The following ATP13A4 variants were observed in gnomAD, a reference collection of about 807,000 sequenced individuals.
ATP13A4 encodes the protein ATPase 13A4.
In ATP13A4, 114 loss-of-function variants were observed where a neutral mutation model predicts 142.5. That is an observed-to-expected ratio of 0.80 (90% CI 0.69 to 0.93). ATP13A4 has a LOEUF of 0.93. ATP13A4 is among the 40% of genes least tolerant of loss of function. ATP13A4 has a pLI of 0.00. For missense variants in ATP13A4, 1,392 were observed against 1,454.0 expected (o/e 0.96, Z 0.69); for synonymous variants, 488 against 514.8 (o/e 0.95, Z 0.70).
chr3:193,562,337 G>C (rs544592473), intron 2 of ATP13A4, among the ~76,000 whole-genome samples: 3 of 152,178 alleles, frequency 2.0e-5, no homozygotes, highest in Non-Finnish European at 4.4e-5. Flanking sequence ...AGATGTCCAC[G>C]ATACATTAAC....
At chr3:193,554,451 A>G in intron 1 of ATP13A4, 1 of 484,992 alleles carries the variant, frequency 2.1e-6, no homozygotes, top group Non-Finnish European at 3.8e-6. Context: ...AACAAGAATC[A>G]TAAAGTGCAT....
At chr3:193,586,137 C>T (rs1482434361) in intron 1 of ATP13A4, among the ~76,000 whole-genome samples, 1 of 151,670 alleles carries the variant, frequency 6.6e-6, no homozygotes, top group Non-Finnish European at 1.5e-5. Flanking sequence ...ACACGCATAT[C>T]GTCCTTTGTG....
chr3:193,497,214 A>G (rs927617124), intron 3 of ATP13A4, among the ~76,000 whole-genome samples: 2 of 152,170 alleles, frequency 1.3e-5, no homozygotes, highest in Non-Finnish European at 2.9e-5. Context: ...AACTCAAAAA[A>G]CTCAAGAGCA....
chr3:193,450,807 G>A (rs1383073322), intron 17 of ATP13A4, among the ~76,000 whole-genome samples: 1 of 152,168 alleles, frequency 6.6e-6, no homozygotes, highest in East Asian at 1.9e-4. Context: ...GTCCCATCTA[G>A]TGGAAGATGT....
At chr3:193,504,900 A>G (rs988142183) in intron 2 of ATP13A4, among the ~76,000 whole-genome samples, 1 of 152,102 alleles carries the variant, frequency 6.6e-6, no homozygotes, top group Non-Finnish European at 1.5e-5. Flanking sequence ...TTTACCTAGC[A>G]GTTTCATAAT....
At chr3:193,550,912 A>G (rs1369677675) in intron 1 of ATP13A4, among the ~76,000 whole-genome samples, 2 of 152,230 alleles carry the variant, frequency 1.3e-5, no homozygotes, top group South Asian at 4.1e-4. Flanking sequence ...CAGCCATGGT[A>G]TAAGGAAATG....
At chr3:193,572,867 C>T (rs1322420035) in intron 2 of ATP13A4, among the ~76,000 whole-genome samples, 1 of 151,832 alleles carries the variant, frequency 6.6e-6, no homozygotes, top group Non-Finnish European at 1.5e-5. Context: ...GTGACTCACG[C>T]CTGTAATTCT....
intron 2 of ATP13A4, among the ~76,000 whole-genome samples, chr3:193,562,166 G>C (rs146677655): frequency 3.3e-5 from 5 of 152,072 alleles, no homozygotes; most frequent in African/African-American, 1.2e-4. Context: ...CTCTGGTCCC[G>C]GAGAGCTACC....
chr3:193,490,827 G>A (rs111273488), intron 6 of ATP13A4, among the ~76,000 whole-genome samples: 51 of 152,226 alleles, frequency 3.4e-4, no homozygotes, highest in African/African-American at 1.1e-3. Flanking sequence ...AGAGGGCTAC[G>A]GTTTGATAAT....
rs547963921 is a variant in ATP13A4, at chr3:193,442,495, C to T, written c.2214G>A (p.Gln738=). 28 of 1,614,032 alleles carry T rather than the reference C, an allele frequency of 1.7e-5. No individual in the cohort carries two copies. The South Asian group carries it at 2.0e-4, about 11-fold the overall frequency. ...CATTTGCCTCAATGAGAATGACTTTCTGGCTTTCAGAAACCATTCCAGATT... is the reference window on the plus strand; with the variant it reads ...CATTTGCCTCAATGAGAATGACTTTTTGGCTTTCAGAAACCATTCCAGATT... ...ARKSGMVSES[Q]KVILIEANET... Residue 738 remains glutamine (Q), a synonymous_variant, in exon 19 of 30, where the codon CAG becomes CAA. Coordinates refer to ENST00000342695, the MANE Select transcript of ATP13A4 (RefSeq NM_032279.4).
At chr3:193,441,892 T>C (rs1716665508) in intron 19 of ATP13A4, among the ~76,000 whole-genome samples, 1 of 152,164 alleles carries the variant, frequency 6.6e-6, no homozygotes, top group Admixed American at 6.5e-5. Flanking sequence ...GCTTAACAAA[T>C]TTCTCCCTGA....
intron 8 of ATP13A4, among the ~76,000 whole-genome samples, chr3:193,481,707 A>G (rs1044652001): frequency 9.2e-5 from 14 of 152,214 alleles, no homozygotes; most frequent in African/African-American, 3.1e-4. Flanking sequence ...AGATCAGTAG[A>G]CATCTTAGGA....
chr3:193,404,140 A>G, intron 29 of ATP13A4: 1 of 985,340 alleles, frequency 1.0e-6, no homozygotes. Context: ...TCCTTAATTG[A>G]CGTGAAAACA....
At chr3:193,462,522 C>T (rs1161176368) in intron 13 of ATP13A4, among the ~76,000 whole-genome samples, 1 of 152,138 alleles carries the variant, frequency 6.6e-6, no homozygotes, top group East Asian at 1.9e-4. Context: ...AATGCAGTGT[C>T]AAAGCTTCAT....
chr3:193,588,989 A>T (rs961094069), intron 1 of ATP13A4, among the ~76,000 whole-genome samples: 1 of 151,940 alleles, frequency 6.6e-6, no homozygotes, highest in African/African-American at 2.4e-5. Flanking sequence ...AAATACAAAA[A>T]CTTAGCCAGG....
intron 1 of ATP13A4, among the ~76,000 whole-genome samples, chr3:193,585,065 G>A (rs547620601): frequency 1.3e-5 from 2 of 152,278 alleles, no homozygotes; most frequent in South Asian, 2.1e-4. Context: ...ATGCGGCCCA[G>A]GATGGCTTTG....
At chr3:193,554,318 G>A in intron 1 of ATP13A4, 1 of 254,416 alleles carries the variant, frequency 3.9e-6, no homozygotes, top group Non-Finnish European at 7.7e-6. Flanking sequence ...AGACCCAGCT[G>A]CACTTCTGCT....
At chr3:193,473,154 G>A (rs1479250496) in intron 8 of ATP13A4, among the ~76,000 whole-genome samples, 1 of 152,194 alleles carries the variant, frequency 6.6e-6, no homozygotes, top group South Asian at 2.1e-4. Context: ...ACATCTTCTT[G>A]TGCCATTAAG....
chr3:193,589,408 C>G (rs1037707692), intron 1 of ATP13A4, among the ~76,000 whole-genome samples: 10 of 152,164 alleles, frequency 6.6e-5, no homozygotes, highest in South Asian at 2.1e-4. Flanking sequence ...ACTTGGAGAT[C>G]TCCCAAGAAG....
Sources: allele counts gnomAD v4.1 joint callset (sites outside exome capture counted in the v4.1 genomes callset), GRCh38; gene constraint gnomAD v4.1.1; transcripts MANE v1.5; gene names NCBI Gene and HGNC (gene_info 2026-07-23, HGNC 2026-07-21).